PRKG1: variants seen among roughly 807,000 people sequenced by gnomAD.
PRKG1 encodes protein kinase cGMP-dependent 1, also known as cGMP-dependent protein kinase 1.
PRKG1 carries 35 observed loss-of-function variants against 88.1 expected under a neutral mutation model. The ratio of observed to expected loss-of-function variants is 0.40; its 90% confidence interval spans 0.30 to 0.53. PRKG1 has a LOEUF of 0.53. Among genes scored for constraint, PRKG1 ranks in the 20% least tolerant of loss-of-function variants. The probability of loss-of-function intolerance (pLI) is 0.59; values close to 1 mark genes in which losing one functional copy is unlikely to be tolerated. For synonymous variants in PRKG1, 303 were observed against 292.5 expected (o/e 1.04, Z -0.37); for missense variants, 540 against 839.8 (o/e 0.64, Z 4.41).
chr10:51,507,392 A>C (rs1027852647), intron 3 of PRKG1, among the ~76,000 whole-genome samples: 46 of 151,742 alleles, frequency 3.0e-4, no homozygotes, highest in African/African-American at 1.1e-3. Context: ...TAGTTGGCTA[A>C]ATGAGCTATC....
intron 3 of PRKG1, among the ~76,000 whole-genome samples, chr10:51,483,847 CATG>C (rs1840443869): frequency 6.6e-6 from 1 of 152,174 alleles, no homozygotes; most frequent in African/African-American, 2.4e-5. Flanking sequence ...CTGCTGAAAC[CATG>C]ATGTTTTCAT....
In PRKG1 at chr10:52,286,368, C is replaced by T. The variant is rs141413247; in HGVS notation, c.1710-2358C>T. ...TTAAGTTCTTCTTCAAATTCAAACA[C>T]GACATATAAAGTGTGGACCCCAGGC... is the stretch of plus-strand genomic sequence containing the variant. On this transcript the variant is annotated intron_variant, in intron 14 of 17. Coordinates refer to ENST00000373980, the MANE Select transcript of PRKG1 (RefSeq NM_006258.4). Among the ~76,000 whole-genome samples, 569 of 152,038 alleles carry T rather than the reference C, an allele frequency of 3.7e-3. 3 individuals carry two copies. The highest frequency in any genetic ancestry group is 5.0e-3 in the Non-Finnish European group (337 of 67,932).
In PRKG1 at chr10:51,445,475, T is replaced by C. The variant is rs150001372; in HGVS notation, c.479-22248T>C. 4.6e-3 allele frequency among the ~76,000 whole-genome samples: 700 copies of C among 152,034 alleles called. 22 individuals are homozygous for C. The highest frequency in any genetic ancestry group is 0.039 in the Admixed American group (588 of 15,202). ...CATTATCAAGGAAACCATTTTTCCA[T>C]ACTTTAGTTTACAAAACTTGGTATA... On this transcript the variant is annotated intron_variant, in intron 2 of 17. Transcript: ENST00000373980.
chr10:52,073,935 A>G (rs1429362514), intron 7 of PRKG1, among the ~76,000 whole-genome samples: 7 of 152,224 alleles, frequency 4.6e-5, no homozygotes, highest in Non-Finnish European at 1.0e-4. Flanking sequence ...CTACTTCCAC[A>G]ATAATCAAGA....
chr10:51,617,985 T>C (rs1199712512), intron 3 of PRKG1, among the ~76,000 whole-genome samples: 5 of 152,248 alleles, frequency 3.3e-5, no homozygotes, highest in African/African-American at 7.2e-5. Context: ...ATGTTTCTGA[T>C]ACGCTAAGGT....
chr10:52,188,548 G>A (rs1034030989), intron 9 of PRKG1, among the ~76,000 whole-genome samples: 3 of 151,050 alleles, frequency 2.0e-5, no homozygotes, highest in African/African-American at 7.3e-5. Context: ...ATGTGCATTG[G>A]AATAAAAAAA....
intron 8 of PRKG1, among the ~76,000 whole-genome samples, chr10:52,149,455 T>G (rs979539225): frequency 6.6e-6 from 1 of 152,064 alleles, no homozygotes; most frequent in African/African-American, 2.4e-5. Flanking sequence ...GTGACTGTAT[T>G]TTGAGACAGG....
intron 3 of PRKG1, among the ~76,000 whole-genome samples, chr10:51,665,751 A>G (rs1177307770): frequency 3.3e-5 from 5 of 151,702 alleles, no homozygotes; most frequent in African/African-American, 9.7e-5. Flanking sequence ...TTTAAAATGT[A>G]TGCTGCTCTG....
intron 4 of PRKG1, among the ~76,000 whole-genome samples, chr10:51,885,268 T>C (rs1387168154): frequency 1.3e-5 from 2 of 152,200 alleles, no homozygotes; most frequent in Non-Finnish European, 2.9e-5. Context: ...AGTTAGTTGT[T>C]ATTGTTGTTA....
intron 4 of PRKG1, among the ~76,000 whole-genome samples, chr10:51,888,087 G>A (rs1179288834): frequency 2.0e-5 from 3 of 151,376 alleles, no homozygotes; most frequent in Admixed American, 6.6e-5. Flanking sequence ...AATTATTGGA[G>A]GTGACTATAT....
At chr10:51,033,800 A>G (rs1843318229) in intron 1 of PRKG1, among the ~76,000 whole-genome samples, 1 of 152,204 alleles carries the variant, frequency 6.6e-6, no homozygotes, top group African/African-American at 2.4e-5. Context: ...AGGAAAAAAG[A>G]AAGTAAATAC....
At chr10:51,932,004 A>G (rs1842704382) in intron 5 of PRKG1, among the ~76,000 whole-genome samples, 1 of 152,146 alleles carries the variant, frequency 6.6e-6, no homozygotes, top group African/African-American at 2.4e-5. Flanking sequence ...TTTTCTCTGT[A>G]GAAAGCAATT....
chr10:51,050,677 G>T (rs1450718196), intron 1 of PRKG1, among the ~76,000 whole-genome samples: 1 of 152,176 alleles, frequency 6.6e-6, no homozygotes, highest in African/African-American at 2.4e-5. Flanking sequence ...TATATACCCA[G>T]AAGGTGAGAC....
upstream of PRKG1, among the ~76,000 whole-genome samples, chr10:51,072,529 C>T (rs78120801): frequency 5.7e-3 from 860 of 152,090 alleles, 5 homozygotes; most frequent in Admixed American, 7.6e-3. Flanking sequence ...ATTAAAACAA[C>T]AGTAATTCAG....
chr10:51,550,897 C>A (rs1307667901), intron 3 of PRKG1, among the ~76,000 whole-genome samples: 1 of 151,880 alleles, frequency 6.6e-6, no homozygotes, highest in Non-Finnish European at 1.5e-5. Context: ...CCCTAAATGA[C>A]AATGCAAACC....
intron 3 of PRKG1, among the ~76,000 whole-genome samples, chr10:51,530,068 A>G (rs1054721685): frequency 1.3e-5 from 2 of 152,172 alleles, no homozygotes; most frequent in African/African-American, 4.8e-5. Context: ...TTCCTCTTCC[A>G]CATAATATTG....
chr10:52,165,318 A>G (rs186733266), intron 9 of PRKG1, among the ~76,000 whole-genome samples: 5 of 152,302 alleles, frequency 3.3e-5, no homozygotes, highest in African/African-American at 1.2e-4. Context: ...AAAGCTTTCT[A>G]GTTGAACTAT....
At chr10:52,187,366 TG>T (rs751139655) in intron 9 of PRKG1, among the ~76,000 whole-genome samples, 5 of 151,982 alleles carry the variant, frequency 3.3e-5, no homozygotes, top group Non-Finnish European at 7.4e-5. Flanking sequence ...TAGTAAAACA[TG>T]GCATTATATT....
At chr10:51,714,273 C>A (rs1036097174) in intron 3 of PRKG1, among the ~76,000 whole-genome samples, 2 of 152,134 alleles carry the variant, frequency 1.3e-5, no homozygotes, top group African/African-American at 4.8e-5. Flanking sequence ...CCACTGCTCC[C>A]GGCCTATTGC....
Sources: gnomAD v4.1 joint callset for allele counts (sites outside exome capture counted in the v4.1 genomes callset) on GRCh38, gnomAD v4.1.1 for gene constraint, MANE v1.5 for transcripts, NCBI Gene and HGNC (gene_info 2026-07-23, HGNC 2026-07-21) for gene names.